Variants in SAFB observed in about 807,000 individuals in gnomAD.
SAFB encodes scaffold attachment factor B.
In SAFB, 15 loss-of-function variants were observed where a neutral mutation model predicts 101.6. That is an observed-to-expected ratio of 0.15 (90% CI 0.10 to 0.23). The LOEUF is 0.23. Ranked by LOEUF, SAFB falls within the 10% of genes least tolerant of loss-of-function variation. The pLI, the probability that SAFB is intolerant of heterozygous loss-of-function variation, is 1.00. For missense variants in SAFB, 930 were observed against 1,104.1 expected, an observed-to-expected ratio of 0.84 and a Z score of 2.23; for synonymous variants, 449 against 407.5, an observed-to-expected ratio of 1.10 and a Z score of -1.23.
At position 5,661,782 on chromosome 19, in the gene SAFB, G is replaced by A. The variant is rs777539502; in HGVS notation, c.2127G>A (p.Ala709=). Residue 709 remains alanine, a synonymous_variant, in exon 15 of 21, where the codon GCG becomes GCA. Coordinates refer to ENST00000588852, the MANE Select transcript of SAFB (RefSeq NM_001201338.2). Reference sequence around the variant, plus strand: ...GCTATGAGCAGGAGCGGCGGCCCGCGGTGCGGCGGCCCTACGACCTGGACC... The same window carrying A: ...GCTATGAGCAGGAGCGGCGGCCCGCAGTGCGGCGGCCCTACGACCTGGACC... ...ELRYEQERRP[A]VRRPYDLDRR... 36 of 1,559,712 alleles carry A rather than the reference G, an allele frequency of 2.3e-5. No individual in the cohort carries two copies. In the African/African-American group the frequency reaches 2.6e-4, roughly 11 times the overall value.
intron 15 of SAFB, among the ~76,000 whole-genome samples, chr19:5,662,643 CTTT>C (rs564198873): frequency 4.3e-5 from 6 of 139,080 alleles, no homozygotes; most frequent in East Asian, 2.1e-4. Flanking sequence ...AGGCCCTTTC[CTTT>C]TTTTTTTTTT....
chr19:5,636,097 T>C (rs1170787590), intron 2 of SAFB, among the ~76,000 whole-genome samples: 2 of 151,986 alleles, frequency 1.3e-5, no homozygotes, highest in African/African-American at 2.4e-5. Context: ...TCGGGGGAGC[T>C]TTCCCCTGAG....
chr19:5,664,133 C>T lies in SAFB; in HGVS notation c.2265C>T (p.Gly755=). Residue 755 remains glycine (G), a synonymous_variant, in exon 16 of 21, where the codon GGC becomes GGT. Transcript: ENST00000588852. ...ACGACTTTGACCACAGGGACCGCGG[C>T]CGCTACCCCGACCACTCGGTGGACA... ...RFHDFDHRDR[G]RYPDHSVDRR... The T allele has an allele frequency of 6.2e-7, 1 of 1,613,946 alleles. No homozygotes were observed. Among genetic ancestry groups the T allele is most frequent in the Non-Finnish European group, 8.5e-7 (1 of 1,180,024 alleles).
intron 6 of SAFB, 89 bp downstream of exon 6, chr19:5,648,132 G>A: frequency 8.9e-7 from 1 of 1,123,580 alleles, no homozygotes; most frequent in South Asian, 1.4e-5. Context: ...ATTTTTAAAA[G>A]TTACCTTACT....
chr19:5,651,936 C>CAA (rs2053948026), intron 9 of SAFB, among the ~76,000 whole-genome samples: 1 of 152,230 alleles, frequency 6.6e-6, no homozygotes, highest in Admixed American at 6.5e-5. Flanking sequence ...TGGCTCACGC[C>CAA]TGTAATTCCA....
rs956043989 is a variant in SAFB at position 5,667,988 on chromosome 19, C to A, written c.2624+102C>A. The A allele has an allele frequency of 4.6e-5, 66 of 1,436,862 alleles. No homozygotes were observed. The highest frequency in any genetic ancestry group is 1.8e-4 in the Middle Eastern group (1 of 5,528). The allele number at this position is 1,436,862 out of a possible 1,614,324, so 89.0% of individuals were successfully genotyped here. On this transcript the variant is annotated intron_variant, in intron 20 of 20. Transcript: ENST00000588852. The surrounding 1 kb of genome is among the most constrained non-coding windows in gnomAD (Gnocchi z 4.0). Reference sequence around the variant, plus strand: ...GTCCTTCCAGCTAGTGCCCCTCCCCCCAAGGGTGACGTGAGGCCAGGCATG... The same window carrying A: ...GTCCTTCCAGCTAGTGCCCCTCCCCACAAGGGTGACGTGAGGCCAGGCATG...
At chr19:5,634,782 G>A (rs770288497) in intron 2 of SAFB, among the ~76,000 whole-genome samples, 5 of 152,134 alleles carry the variant, frequency 3.3e-5, no homozygotes, top group Non-Finnish European at 7.4e-5. Flanking sequence ...TCCCTTGCTG[G>A]TAGTTGCAGA....
chr19:5,624,426 G>T (rs1194319994), intron 1 of SAFB, among the ~76,000 whole-genome samples: 1 of 152,034 alleles, frequency 6.6e-6, no homozygotes, highest in African/African-American at 2.4e-5. Flanking sequence ...GCCTCCCTTG[G>T]GGGATTCAAA....
At chr19:5,645,747 G>A (rs1303829597) in intron 5 of SAFB, among the ~76,000 whole-genome samples, 1 of 152,194 alleles carries the variant, frequency 6.6e-6, no homozygotes, top group African/African-American at 2.4e-5. Flanking sequence ...GATTTGATGA[G>A]ACAGCAAGAG....
chr19:5,648,236 C>G (rs1391636559), intron 6 of SAFB, 193 bp downstream of exon 6: 2 of 568,162 alleles, frequency 3.5e-6, no homozygotes, highest in Non-Finnish European at 3.1e-6. Flanking sequence ...GTGAAAGTGG[C>G]TCACTTCTCA....
At chr19:5,663,001 TA>T (rs202116605) in intron 15 of SAFB, among the ~76,000 whole-genome samples, 6 of 150,992 alleles carry the variant, frequency 4.0e-5, no homozygotes, top group South Asian at 2.1e-4. Flanking sequence ...AATAAAGAAT[TA>T]AAAAAAAATT....
intron 14 of SAFB, among the ~76,000 whole-genome samples, chr19:5,659,994 T>G (rs2054158617): frequency 6.6e-6 from 1 of 152,142 alleles, no homozygotes; most frequent in Non-Finnish European, 1.5e-5. Context: ...GGTGCTGAGA[T>G]CCACAGAGGC....
At chr19:5,635,227 A>G (rs908671896) in intron 2 of SAFB, among the ~76,000 whole-genome samples, 1 of 152,128 alleles carries the variant, frequency 6.6e-6, no homozygotes, top group Non-Finnish European at 1.5e-5. Context: ...ATAAATTGCT[A>G]CAGCCTTTTT....
At chr19:5,653,563 T>C in intron 11 of SAFB, 143 bp downstream of exon 11, 1 of 684,626 alleles carries the variant, frequency 1.5e-6, no homozygotes, top group East Asian at 2.8e-5. Context: ...CCTCCTGGGT[T>C]CAAGCAATTC....
intron 4 of SAFB, among the ~76,000 whole-genome samples, chr19:5,642,302 T>G (rs1312445527): frequency 6.6e-6 from 1 of 152,182 alleles, no homozygotes; most frequent in African/African-American, 2.4e-5. Flanking sequence ...GAAGCAATTG[T>G]TGAGCTGGGT....
intron 13 of SAFB, among the ~76,000 whole-genome samples, chr19:5,656,067 G>A (rs2054052073): frequency 6.6e-6 from 1 of 152,046 alleles, no homozygotes; most frequent in Admixed American, 6.6e-5. Context: ...AAATGTTGAT[G>A]AAATTCTGTG....
intron 9 of SAFB, among the ~76,000 whole-genome samples, chr19:5,651,788 C>T (rs540165149): frequency 1.3e-5 from 2 of 152,302 alleles, no homozygotes; most frequent in South Asian, 2.1e-4. Flanking sequence ...GAGTCGGTTT[C>T]GGGGACTACC....
At chr19:5,652,061 C>T (rs1219918651) in intron 9 of SAFB, among the ~76,000 whole-genome samples, 1 of 152,000 alleles carries the variant, frequency 6.6e-6, no homozygotes, top group Admixed American at 6.5e-5. Context: ...GGCGTGGTGG[C>T]GCATGCCTGT....
chr19:5,653,366 C>T lies in SAFB; in HGVS notation c.1472C>T (p.Thr491Ile), dbSNP rs2053982750. The T allele has an allele frequency of 6.2e-7, 1 of 1,614,108 alleles. No individual in the cohort carries two copies. Among genetic ancestry groups the T allele is most frequent in the Non-Finnish European group, 8.5e-7 (1 of 1,180,016 alleles). The change falls in exon 11 of 21, where the codon ACC becomes ATC. Residue 491 changes from threonine to isoleucine, a missense_variant. This residue lies in a region of SAFB where 92 missense variants were observed against 83.8 expected (regional missense o/e 1.10). Coordinates refer to ENST00000588852, the MANE Select transcript of SAFB (RefSeq NM_001201338.2). ...AAAAATGAACCTGTGGGAAAGAAAA[C>T]CTCTGACAAAAGAGACAGTGACGGG... ...KAKNEPVGKK[T>I]SDKRDSDGKK...
Sources: allele counts gnomAD v4.1 joint callset (sites outside exome capture counted in the v4.1 genomes callset), GRCh38; gene constraint gnomAD v4.1.1; regional missense constraint gnomAD v4.1.1; non-coding constraint Gnocchi (gnomAD v3.1); transcripts MANE v1.5; gene names NCBI Gene and HGNC (gene_info 2026-07-23, HGNC 2026-07-21).